The following PITPNM3 variants were observed in gnomAD, a reference collection of about 807,000 sequenced individuals.
PITPNM3 encodes membrane-associated phosphatidylinositol transfer protein 3.
Under a neutral mutation model 102.0 loss-of-function variants are expected in PITPNM3, and 26 were observed. The observed-to-expected ratio is 0.25, with a 90% confidence interval of 0.19 to 0.35. The LOEUF (loss-of-function observed/expected upper bound fraction) is 0.35, where lower values mean the gene tolerates loss of function less well. PITPNM3 is among the 10% of genes least tolerant of loss of function. PITPNM3 has a pLI of 1.00. For synonymous variants in PITPNM3, 578 were observed against 558.6 expected, an observed-to-expected ratio of 1.03 and a Z score of -0.49; for missense variants, 1,083 against 1,346.1, an observed-to-expected ratio of 0.80 and a Z score of 3.06.
intron 6 of PITPNM3, among the ~76,000 whole-genome samples, chr17:6,482,051 T>C (rs1905766601): frequency 1.9e-5 from 2 of 107,772 alleles, no homozygotes; most frequent in African/African-American, 2.8e-5. Flanking sequence ...TCTCTCTCTC[T>C]CTCTCTCTCT....
chr17:6,518,703 G>C (rs142104625), intron 3 of PITPNM3, among the ~76,000 whole-genome samples: 8 of 152,266 alleles, frequency 5.3e-5, no homozygotes, highest in Non-Finnish European at 7.4e-5. Context: ...AAAGACCATC[G>C]AAATAGGTAA....
intron 9 of PITPNM3, 127 bp downstream of exon 9, chr17:6,476,902 C>A: frequency 1.7e-5 from 20 of 1,206,656 alleles, no homozygotes; most frequent in Admixed American, 1.1e-4. Flanking sequence ...GGCGAGTGGC[C>A]TTGGTCCCAG....
rs927336863 is a variant in PITPNM3 at position 6,468,012 on chromosome 17, C to T, written c.1890+213G>A. The stretch of plus-strand genomic sequence containing the variant: ...GTGTCTTGGACTCCTGCCCTCAGGG[C>T]TCCTGTGGAACCAGGCCATGGGAAG... On this transcript the variant is annotated intron_variant, in intron 14 of 19. Coordinates refer to ENST00000262483, the MANE Select transcript of PITPNM3 (RefSeq NM_031220.4). The surrounding 1 kb of genome is among the most constrained non-coding windows in gnomAD (Gnocchi z 5.2). Among the ~76,000 whole-genome samples the T allele has an allele frequency of 6.6e-6, 1 of 152,250 alleles. No individual in the cohort carries two copies. The highest frequency in any genetic ancestry group is 1.5e-5 in the Non-Finnish European group (1 of 68,044).
intron 4 of PITPNM3, among the ~76,000 whole-genome samples, chr17:6,501,279 G>A (rs535360244): frequency 2.0e-5 from 3 of 152,180 alleles, no homozygotes; most frequent in Non-Finnish European, 4.4e-5. Context: ...TATTCATCAT[G>A]CTTGTTATTT....
chr17:6,470,349 G>A lies in PITPNM3; in HGVS notation c.1684C>T (p.Leu562Phe). 1 of 1,614,170 alleles carries A rather than the reference G, an allele frequency of 6.2e-7. No homozygotes were observed. Among genetic ancestry groups the A allele is most frequent in the East Asian group, 2.2e-5 (1 of 44,880 alleles). ...IDYALYCPDV[L>F]TAFPTVALPH... ...AGGGCCACGGTGGGGAAGGCCGTGA[G>A]GACATCAGGGCAGTACAGGGCATAG... Residue 562 changes from leucine to phenylalanine, a missense_variant, in exon 13 of 20, where the codon CTC (leucine) becomes TTC (phenylalanine). This residue lies in a region of PITPNM3 where 410 missense variants were observed against 638.4 expected (regional missense o/e 0.64). Transcript: ENST00000262483. The surrounding 1 kb of genome is among the most constrained non-coding windows in gnomAD (Gnocchi z 4.8).
rs1217253860 is a variant in PITPNM3 at position 6,523,938 on chromosome 17, C to A, written c.226+1418G>T. Reference sequence around the variant, plus strand: ...CCAGTCCGGGAGGTGAAGCCCTGGACTGGGAATCAGAAGACCAGGAATCTG... The same window carrying A: ...CCAGTCCGGGAGGTGAAGCCCTGGAATGGGAATCAGAAGACCAGGAATCTG... On this transcript the variant is annotated intron_variant, in intron 3 of 19. Coordinates refer to ENST00000262483, the MANE Select transcript of PITPNM3 (RefSeq NM_031220.4). Among the ~76,000 whole-genome samples, 3 of 152,314 alleles carry A rather than the reference C, an allele frequency of 2.0e-5. No individual in the cohort carries two copies. In the East Asian group the frequency reaches 5.8e-4, roughly 29 times the overall value.
rs769849082 is a variant in PITPNM3, at chr17:6,537,949, G to C, written c.118+38C>G. The C allele has an allele frequency of 2.6e-6, 4 of 1,552,490 alleles. No individual in the cohort carries two copies. Among genetic ancestry groups the C allele is most frequent in the Non-Finnish European group, 3.6e-6 (4 of 1,125,430 alleles). On this transcript the variant is annotated intron_variant, in intron 2 of 19. Coordinates refer to ENST00000262483, the MANE Select transcript of PITPNM3 (RefSeq NM_031220.4). This position sits in a 1 kb window ranked among gnomAD's most constrained non-coding sequence, Gnocchi z 4.4. Reference sequence around the variant, plus strand: ...TCTTCTTCTTGAGGCTTCTAGGAAGGTCACCCAGCCAGTGATATGAGACTG... The same window carrying C: ...TCTTCTTCTTGAGGCTTCTAGGAAGCTCACCCAGCCAGTGATATGAGACTG...
rs954294561 is a variant in PITPNM3, at chr17:6,478,244, C to T, written c.778-147G>A. ...GAGAGCCCAACTGGGAAGCAGTGTG[C>T]AAACTGGGGAGGGTCAGGGTTGGCG... On this transcript the variant is annotated intron_variant, in intron 7 of 19. Transcript: ENST00000262483. The surrounding 1 kb of genome is among the most constrained non-coding windows in gnomAD (Gnocchi z 4.4). The T allele has an allele frequency of 7.2e-7, 1 of 1,388,986 alleles. No homozygotes were observed. The highest frequency in any genetic ancestry group is 9.8e-7 in the Non-Finnish European group (1 of 1,022,724). The allele number at this position is 1,388,986 out of a possible 1,614,324, so 86.0% of individuals were successfully genotyped here. A position where few individuals can be genotyped will look rare whatever the true frequency, so the allele number is the denominator to read the frequency against.
intron 4 of PITPNM3, among the ~76,000 whole-genome samples, chr17:6,486,872 G>A (rs1472215121): frequency 6.6e-6 from 1 of 152,158 alleles, no homozygotes; most frequent in African/African-American, 2.4e-5. Flanking sequence ...TACTCTCTGA[G>A]TCTGAATGAT....
rs1223762437 is a variant in PITPNM3 at position 6,461,502 on chromosome 17, C to T, written c.2361G>A (p.Met787Ile). The T allele has an allele frequency of 4.3e-6, 7 of 1,614,140 alleles. No individual in the cohort carries two copies. Among genetic ancestry groups the T allele is most frequent in the East Asian group, 2.2e-5 (1 of 44,898 alleles). The change falls in exon 18 of 20, where the codon ATG becomes ATA. Residue 787 changes from methionine to isoleucine, a missense_variant. This residue lies in a region of PITPNM3 where 410 missense variants were observed against 638.4 expected (regional missense o/e 0.64). Transcript: ENST00000262483. ...GCCACGACACCACCCGCTGCTTCTG[C>T]ATGTCCGGCCGTCCCGTGATGTAAA... The part of the protein sequence containing the change: ...MILYITGRPD[M>I]QKQRVVSWLS...
At chr17:6,464,362 G>A (rs369956109) in intron 15 of PITPNM3, 44 bp from the exon 16 acceptor site, 25 of 1,603,890 alleles carry the variant, frequency 1.6e-5, no homozygotes, top group Admixed American at 3.3e-5. Flanking sequence ...AGGCTGAGGG[G>A]CTACAGGCTT....
At chr17:6,484,840 T>C (rs1250595551) in intron 4 of PITPNM3, among the ~76,000 whole-genome samples, 3 of 152,170 alleles carry the variant, frequency 2.0e-5, no homozygotes, top group African/African-American at 7.2e-5. Context: ...CCAAGGCAGG[T>C]GGGCACCGTG....
chr17:6,474,966 T>C (rs886275903), intron 9 of PITPNM3, among the ~76,000 whole-genome samples: 23 of 152,140 alleles, frequency 1.5e-4, no homozygotes, highest in African/African-American at 5.6e-4. Context: ...CAAATGTTAC[T>C]TACAAAAACA....
At chr17:6,464,375 C>T in intron 15 of PITPNM3, 57 bp from the exon 16 acceptor site, 1 of 1,589,046 alleles carries the variant, frequency 6.3e-7, no homozygotes, top group South Asian at 1.1e-5. Flanking sequence ...ACAGGCTTGG[C>T]AGAGGGGCTG....
In PITPNM3 at chr17:6,464,242, C is replaced by A. The variant is rs1904648631; in HGVS notation, c.2084G>T (p.Gly695Val). 6.2e-7 allele frequency: 1 copy of A among 1,614,082 alleles called. No homozygotes were observed. The highest frequency in any genetic ancestry group is 1.3e-5 in the African/African-American group (1 of 74,926). Residue 695 changes from glycine to valine, a missense_variant, in exon 16 of 20, where the codon GGT becomes GTT. By Grantham distance (109) the Gly-to-Val change is moderately radical (BLOSUM62 -3). This residue lies in a region of PITPNM3 where 410 missense variants were observed against 638.4 expected (regional missense o/e 0.64). Coordinates refer to ENST00000262483, the MANE Select transcript of PITPNM3 (RefSeq NM_031220.4). The part of the protein sequence containing the change: ...HLDTEITNSS[G>V]RITYNVPRPR... ...CCGCGGCACATTGTATGTGATGCGA[C>A]CACTGCTGTTGGTGATCTCTGTGTC...
At chr17:6,544,921 C>G (rs1909940313) in intron 1 of PITPNM3, among the ~76,000 whole-genome samples, 1 of 152,206 alleles carries the variant, frequency 6.6e-6, no homozygotes, top group African/African-American at 2.4e-5. Context: ...GCTCTCAGCT[C>G]TGCCTTGGGG....
At chr17:6,510,880 C>G (rs1383058579) in intron 3 of PITPNM3, among the ~76,000 whole-genome samples, 3 of 152,164 alleles carry the variant, frequency 2.0e-5, no homozygotes, top group Non-Finnish European at 4.4e-5. Flanking sequence ...GGGGAAGAGC[C>G]GGGGCAAAGG....
At chr17:6,535,306 T>TGGCTG (rs145456142) in intron 2 of PITPNM3, among the ~76,000 whole-genome samples, 4,424 of 152,036 alleles carry the variant, frequency 0.029, 119 homozygotes, top group East Asian at 0.15. Context: ...CACAGAGCAC[T>TGGCTG]GGCTGGGCTG....
chr17:6,503,587 A>G lies in PITPNM3; in HGVS notation c.227-13T>C. 1 of 1,607,506 alleles carries G rather than the reference A, an allele frequency of 6.2e-7. No individual in the cohort carries two copies. The highest frequency in any genetic ancestry group is 1.3e-5 in the African/African-American group (1 of 75,048). On this transcript the variant is annotated splice_polypyrimidine_tract_variant and intron_variant, in intron 3 of 19. Coordinates refer to ENST00000262483, the MANE Select transcript of PITPNM3 (RefSeq NM_031220.4). Reference sequence around the variant, plus strand: ...GCGGTCCCTTCTCCTGCAGAAAAAGAAAAGAAACATGAGCAGATCCTTGAC... The same window carrying G: ...GCGGTCCCTTCTCCTGCAGAAAAAGGAAAGAAACATGAGCAGATCCTTGAC...
Sources: gnomAD v4.1 joint callset for allele counts (sites outside exome capture counted in the v4.1 genomes callset) on GRCh38, gnomAD v4.1.1 for gene constraint, gnomAD v4.1.1 regional missense constraint, Gnocchi (gnomAD v3.1) non-coding constraint, MANE v1.5 for transcripts, NCBI Gene and HGNC (gene_info 2026-07-23, HGNC 2026-07-21) for gene names.